The following SPOCK3 variants were observed in gnomAD, a reference collection of about 807,000 sequenced individuals.
SPOCK3 encodes testican-3.
Under a neutral mutation model 56.6 loss-of-function variants are expected in SPOCK3, and 30 were observed. That is an observed-to-expected ratio of 0.53 (90% CI 0.40 to 0.72). The LOEUF (loss-of-function observed/expected upper bound fraction) is 0.72, where lower values mean the gene tolerates loss of function less well. Among genes scored for constraint, SPOCK3 ranks in the 30% least tolerant of loss-of-function variants. SPOCK3 has a pLI of 0.00. For synonymous variants in SPOCK3, 196 were observed against 183.3 expected (o/e 1.07, Z -0.56); for missense variants, 527 against 530.0 (o/e 0.99, Z 0.06).
Position 167,046,450 on chromosome 4 carries a change from C to CTTTTTTT in SPOCK3, c.235+16035_235+16041dup, listed in dbSNP as rs67108499. On this transcript the variant is annotated intron_variant, in intron 3 of 10. Transcript: ENST00000357545. The stretch of plus-strand genomic sequence containing the variant: ...TTATCTTTTTTTTCTTTCTGATATT[C>CTTTTTTT]TTTTTTTTTTTTTTTTTTTTTTTTT... 3.9e-4 allele frequency among the ~76,000 whole-genome samples: 21 copies of CTTTTTTT among 53,702 alleles called. 1 individual carries two copies. The highest frequency in any genetic ancestry group is 5.6e-4 in the African/African-American group (7 of 12,586). 35.2% of individuals were successfully genotyped at this position (53,702 alleles called of 152,430 possible). A position where few individuals can be genotyped will look rare whatever the true frequency, so the allele number is the denominator to read the frequency against.
chr4:167,086,768 T>C (rs1194004620), intron 2 of SPOCK3, among the ~76,000 whole-genome samples: 2 of 152,070 alleles, frequency 1.3e-5, no homozygotes, highest in Non-Finnish European at 2.9e-5. Flanking sequence ...AGCCAAAAGC[T>C]CCCTAAAAAC....
chr4:166,956,148 A>G (rs1743435027), intron 4 of SPOCK3, among the ~76,000 whole-genome samples: 2 of 152,074 alleles, frequency 1.3e-5, no homozygotes, highest in Admixed American at 1.3e-4. Context: ...TTAGTCCCTC[A>G]TTATTTTGAG....
intron 7 of SPOCK3, among the ~76,000 whole-genome samples, chr4:166,775,119 G>A (rs766328208): frequency 2.6e-5 from 4 of 152,066 alleles, no homozygotes; most frequent in African/African-American, 7.2e-5. Context: ...GTGAGGGAAG[G>A]GCATTCCAGG....
chr4:166,886,684 T>C (rs963356859), intron 6 of SPOCK3, among the ~76,000 whole-genome samples: 1 of 152,168 alleles, frequency 6.6e-6, no homozygotes, highest in African/African-American at 2.4e-5. Flanking sequence ...ACCTTAAATA[T>C]AGGAAGTCAG....
At chr4:167,117,292 G>T (rs1465624387) in intron 2 of SPOCK3, among the ~76,000 whole-genome samples, 3 of 152,078 alleles carry the variant, frequency 2.0e-5, no homozygotes, top group Non-Finnish European at 4.4e-5. Context: ...TTGTGGGCTG[G>T]TATGAGGGAG....
At chr4:166,984,203 T>C (rs1746890443) in intron 4 of SPOCK3, among the ~76,000 whole-genome samples, 1 of 152,070 alleles carries the variant, frequency 6.6e-6, no homozygotes, top group Non-Finnish European at 1.5e-5. Context: ...TTATGCAATA[T>C]TTTTTATATT....
At chr4:166,933,628 G>T (rs1226657472) in intron 4 of SPOCK3, among the ~76,000 whole-genome samples, 1 of 152,102 alleles carries the variant, frequency 6.6e-6, no homozygotes, top group Non-Finnish European at 1.5e-5. Context: ...TTATAGCAAG[G>T]CACCAACTGC....
At chr4:166,742,638 T>G (rs1287400751) in intron 8 of SPOCK3, among the ~76,000 whole-genome samples, 8 of 152,152 alleles carry the variant, frequency 5.3e-5, no homozygotes, top group Non-Finnish European at 1.2e-4. Flanking sequence ...TGTTAAGAGA[T>G]ATTAGTCTTT....
chr4:167,058,447 T>A (rs902824313), intron 3 of SPOCK3, among the ~76,000 whole-genome samples: 1 of 152,108 alleles, frequency 6.6e-6, no homozygotes, highest in African/African-American at 2.4e-5. Context: ...TTACAAGGGA[T>A]GTGAAGGACC....
At chr4:166,833,096 T>C (rs1746253780) in intron 6 of SPOCK3, among the ~76,000 whole-genome samples, 1 of 152,236 alleles carries the variant, frequency 6.6e-6, no homozygotes, top group African/African-American at 2.4e-5. Flanking sequence ...AAATATTATA[T>C]ACGTGTGTGT....
At chr4:166,749,704 A>T (rs1172934527) in intron 8 of SPOCK3, among the ~76,000 whole-genome samples, 28 of 152,252 alleles carry the variant, frequency 1.8e-4, no homozygotes, top group Admixed American at 1.8e-3. Context: ...ATCTTGTATA[A>T]TTAGTATATT....
intron 2 of SPOCK3, among the ~76,000 whole-genome samples, chr4:167,164,369 A>G (rs921185221): frequency 2.6e-5 from 4 of 152,146 alleles, no homozygotes; most frequent in African/African-American, 9.6e-5. Flanking sequence ...TGAATTTGAT[A>G]TAAACATGAA....
intron 4 of SPOCK3, among the ~76,000 whole-genome samples, chr4:166,943,512 C>A (rs1741356045): frequency 6.6e-6 from 1 of 152,124 alleles, no homozygotes; most frequent in Non-Finnish European, 1.5e-5. Context: ...GAAGACACAT[C>A]ATGAAAACAC....
chr4:166,785,754 C>T (rs1007294435), intron 7 of SPOCK3, among the ~76,000 whole-genome samples: 1 of 152,124 alleles, frequency 6.6e-6, no homozygotes. Flanking sequence ...TAATCCAATT[C>T]TGCTATCATC....
chr4:166,969,010 G>T (rs1311290223), intron 4 of SPOCK3, among the ~76,000 whole-genome samples: 1 of 152,172 alleles, frequency 6.6e-6, no homozygotes, highest in African/African-American at 2.4e-5. Flanking sequence ...TTATTTCAAG[G>T]CTTAAAGATT....
At chr4:167,156,500 C>T (rs534195746) in intron 2 of SPOCK3, among the ~76,000 whole-genome samples, 2 of 152,198 alleles carry the variant, frequency 1.3e-5, no homozygotes, top group Non-Finnish European at 2.9e-5. Context: ...GCTTTAGTCC[C>T]CTTTTTGTAG....
chr4:166,852,042 C>T (rs1486630155), intron 6 of SPOCK3, among the ~76,000 whole-genome samples: 1 of 149,958 alleles, frequency 6.7e-6, no homozygotes, highest in Non-Finnish European at 1.5e-5. Flanking sequence ...TAAACTATCG[C>T]AAGAACAAAA....
chr4:167,230,528 G>A (rs1401020908), intron 2 of SPOCK3, among the ~76,000 whole-genome samples: 2 of 144,262 alleles, frequency 1.4e-5, no homozygotes, highest in Non-Finnish European at 3.0e-5. Context: ...AAACCAGCAT[G>A]TAACCAGTAT....
At chr4:167,017,925 A>G (rs1205594594) in intron 3 of SPOCK3, among the ~76,000 whole-genome samples, 4 of 152,100 alleles carry the variant, frequency 2.6e-5, no homozygotes, top group African/African-American at 9.7e-5. Context: ...ATTTTATTCA[A>G]TTGTTATCTA....
Sources: allele counts gnomAD v4.1 joint callset (sites outside exome capture counted in the v4.1 genomes callset), GRCh38; gene constraint gnomAD v4.1.1; transcripts MANE v1.5; gene names NCBI Gene and HGNC (gene_info 2026-07-23, HGNC 2026-07-21).